The following ZNF280B variants were observed in gnomAD, a reference collection of about 807,000 sequenced individuals.
ZNF280B encodes the protein zinc finger protein 280B, also known as suppressor of hairy wing homolog 2.
ZNF280B carries 16 observed loss-of-function variants against 38.0 expected under a neutral mutation model. That is an observed-to-expected ratio of 0.42 (90% CI 0.28 to 0.64). ZNF280B has a LOEUF of 0.64. ZNF280B is among the 30% of genes least tolerant of loss of function. The probability of loss-of-function intolerance (pLI) is 0.21; values close to 1 mark genes in which losing one functional copy is unlikely to be tolerated. For missense variants in ZNF280B, 581 were observed against 639.6 expected, an observed-to-expected ratio of 0.91 and a Z score of 0.99; for synonymous variants, 253 against 230.6, an observed-to-expected ratio of 1.10 and a Z score of -0.88.
intron 2 of ZNF280B, among the ~76,000 whole-genome samples, chr22:22,498,321 A>C (rs2146816505): frequency 6.6e-6 from 1 of 152,098 alleles, no homozygotes; most frequent in South Asian, 2.1e-4. Context: ...AAATATCACT[A>C]AACTGTTTAT....
rs376177730 is a variant in ZNF280B at position 22,508,683 on chromosome 22, G to C, written c.-272C>G. 1.3e-5 allele frequency: 2 copies of C among 151,970 alleles called. No homozygotes were observed. Among genetic ancestry groups the C allele is most frequent in the Admixed American group, 6.5e-5 (1 of 15,272 alleles). 9.4% of individuals were successfully genotyped at this position (151,970 alleles called of 1,614,324 possible). Reference sequence around the variant, plus strand: ...CCAGTCCGGATCAGCTGCTGTTCGCGAGCTGCCGGCCACGCACCAGCCCCG... The same window carrying C: ...CCAGTCCGGATCAGCTGCTGTTCGCCAGCTGCCGGCCACGCACCAGCCCCG... On this transcript the variant is annotated 5_prime_UTR_variant, in exon 1 of 4. Coordinates refer to ENST00000626650, the MANE Select transcript of ZNF280B (RefSeq NM_080764.4).
At chr22:22,504,982 A>AT (rs994398640) in intron 2 of ZNF280B, among the ~76,000 whole-genome samples, 1 of 151,926 alleles carries the variant, frequency 6.6e-6, no homozygotes, top group African/African-American at 2.4e-5. Flanking sequence ...TCAGAAAATA[A>AT]TTTTTTTAAC....
At position 22,503,114 on chromosome 22, in the gene ZNF280B, A is replaced by C. The variant is rs571816274; in HGVS notation, c.-187+4696T>G. Among the ~76,000 whole-genome samples, 99 of 152,080 alleles carry C rather than the reference A, an allele frequency of 6.5e-4. No individual in the cohort carries two copies. The South Asian group carries it at 0.018, about 28-fold the overall frequency. ...GGAGGACAGCCCTGCCAACATCTTG[A>C]TTTAGGTCTTGTGAAACTTATTTTA... is the stretch of plus-strand genomic sequence containing the variant. On this transcript the variant is annotated intron_variant, in intron 2 of 3. Transcript: ENST00000626650.
At chr22:22,508,997 C>T (rs1420037194), upstream of ZNF280B, 1 of 154,078 alleles carries the variant, frequency 6.5e-6, no homozygotes, top group Non-Finnish European at 1.4e-5. Flanking sequence ...GTCAGGGTTC[C>T]AGAGCTGAGG....
At chr22:22,499,764 C>T (rs2061779698) in intron 2 of ZNF280B, among the ~76,000 whole-genome samples, 1 of 151,976 alleles carries the variant, frequency 6.6e-6, no homozygotes, top group African/African-American at 2.4e-5. Context: ...AGTACCCCTG[C>T]CCCTAAGATC....
chr22:22,495,254 T>C (rs1389137611), intron 2 of ZNF280B, among the ~76,000 whole-genome samples: 1 of 151,986 alleles, frequency 6.6e-6, no homozygotes, highest in East Asian at 2.0e-4. Context: ...TTTCCACTTT[T>C]TCCCTCAGTC....
At position 22,488,261 on chromosome 22, in the gene ZNF280B, A is replaced by C. The variant is rs1398020312; in HGVS notation, c.1138T>G (p.Leu380Val). The C allele has an allele frequency of 6.2e-7, 1 of 1,613,728 alleles. No individual in the cohort carries two copies. Among genetic ancestry groups the C allele is most frequent in the African/African-American group, 1.3e-5 (1 of 74,854 alleles). Residue 380 changes from leucine (L) to valine (V), a missense_variant, in exon 4 of 4, where the codon TTG becomes GTG. Leu to Val is a conservative substitution (Grantham distance 32). Transcript: ENST00000626650. ...EPSTVCKICE[L>V]SFETDQVLLQ... The stretch of plus-strand genomic sequence containing the variant: ...AGGACCTGATCTGTTTCAAATGACA[A>C]TTCACAGATTTTACAGACAGTAGAG...
chr22:22,492,292 G>A (rs574955426), intron 3 of ZNF280B, among the ~76,000 whole-genome samples: 1 of 151,912 alleles, frequency 6.6e-6, no homozygotes, highest in Non-Finnish European at 1.5e-5. Flanking sequence ...AACTTCAATC[G>A]CCTAACTCCA....
chr22:22,493,625 C>G (rs1413329572), intron 3 of ZNF280B, among the ~76,000 whole-genome samples: 2 of 151,976 alleles, frequency 1.3e-5, no homozygotes, highest in East Asian at 2.0e-4. Context: ...ATCACTCATT[C>G]TACCTCTCAT....
intron 2 of ZNF280B, among the ~76,000 whole-genome samples, chr22:22,506,552 C>T (rs1024096395): frequency 1.3e-5 from 2 of 151,656 alleles, no homozygotes; most frequent in African/African-American, 4.8e-5. Flanking sequence ...ATACGGACAA[C>T]TCTGGAGAAA....
chr22:22,493,533 T>C (rs1358651988), intron 3 of ZNF280B, among the ~76,000 whole-genome samples: 1 of 151,994 alleles, frequency 6.6e-6, no homozygotes, highest in Non-Finnish European at 1.5e-5. Flanking sequence ...TCACTCTCTA[T>C]TTTGTAAACC....
intron 2 of ZNF280B, among the ~76,000 whole-genome samples, chr22:22,503,593 T>G (rs924914918): frequency 1.3e-5 from 2 of 151,946 alleles, no homozygotes; most frequent in African/African-American, 4.8e-5. Context: ...GAGTCATACA[T>G]TCCCAAGGAT....
chr22:22,500,150 A>G (rs2061787078), intron 2 of ZNF280B, among the ~76,000 whole-genome samples: 1 of 151,970 alleles, frequency 6.6e-6, no homozygotes, highest in Non-Finnish European at 1.5e-5. Context: ...GTAAAATGGT[A>G]TAACTACTAT....
intron 2 of ZNF280B, among the ~76,000 whole-genome samples, chr22:22,507,551 GCT>G (rs2146874528): frequency 2.0e-5 from 3 of 147,750 alleles, no homozygotes; most frequent in Admixed American, 6.7e-5. Flanking sequence ...CATCCCTGAT[GCT>G]CTTTTTTTTT....
chr22:22,502,939 G>C (rs2061854806), intron 2 of ZNF280B, among the ~76,000 whole-genome samples: 1 of 151,984 alleles, frequency 6.6e-6, no homozygotes, highest in African/African-American at 2.4e-5. Flanking sequence ...GTCCTTGTAA[G>C]AGAAGCAGAG....
intron 2 of ZNF280B, among the ~76,000 whole-genome samples, chr22:22,496,492 T>G (rs553044687): frequency 6.6e-6 from 1 of 152,100 alleles, no homozygotes; most frequent in South Asian, 2.1e-4. Context: ...GAAAAAGTTA[T>G]TTTTGTTTTA....
At chr22:22,501,523 C>A (rs2061825227) in intron 2 of ZNF280B, among the ~76,000 whole-genome samples, 1 of 151,632 alleles carries the variant, frequency 6.6e-6, no homozygotes, top group Non-Finnish European at 1.5e-5. Flanking sequence ...CGAGATCATG[C>A]CACCACACTC....
In ZNF280B at chr22:22,488,733, A is replaced by G. The variant is rs1179156774; in HGVS notation, c.666T>C (p.Val222=). ...NTQQSTPSNN[V]HTSLSHVQNG... is the part of the protein sequence containing the mutation. ...TCTGAACATGGCTTAATGAGGTATG[A>G]ACATTATTTGAGGGTGTACTTTGCT... Residue 222 remains valine (V), a synonymous_variant, in exon 4 of 4, where the codon GTT becomes GTC. Coordinates refer to ENST00000626650, the MANE Select transcript of ZNF280B (RefSeq NM_080764.4). 6.2e-7 allele frequency: 1 copy of G among 1,613,866 alleles called. No individual in the cohort carries two copies. The highest frequency in any genetic ancestry group is 1.7e-5 in the Admixed American group (1 of 59,976).
At chr22:22,498,926 TA>T (rs541918838) in intron 2 of ZNF280B, among the ~76,000 whole-genome samples, 3 of 149,914 alleles carry the variant, frequency 2.0e-5, no homozygotes, top group Non-Finnish European at 4.4e-5. Context: ...GCCTCCCGAG[TA>T]GCTGGGACTA....
Sources: gnomAD v4.1 joint callset for allele counts (sites outside exome capture counted in the v4.1 genomes callset) on GRCh38, gnomAD v4.1.1 for gene constraint, MANE v1.5 for transcripts, NCBI Gene and HGNC (gene_info 2026-07-23, HGNC 2026-07-21) for gene names.